Variants in PDZRN4 observed in about 807,000 individuals in gnomAD.
PDZRN4 encodes the protein PDZ domain-containing RING finger protein 4.
PDZRN4 carries 70 observed loss-of-function variants against 99.0 expected under a neutral mutation model. The observed-to-expected ratio is 0.71, with a 90% CI of 0.58 to 0.86. The LOEUF (loss-of-function observed/expected upper bound fraction) is 0.86. PDZRN4 is among the 40% of genes least tolerant of loss of function. PDZRN4 has a pLI of 0.00. For synonymous variants in PDZRN4, 551 were observed against 501.6 expected, an observed-to-expected ratio of 1.10 and a Z score of -1.32; for missense variants, 1,474 against 1,331.2, an observed-to-expected ratio of 1.11 and a Z score of -1.67.
chr12:41,544,337 C>T (rs1303367653), intron 5 of PDZRN4, among the ~76,000 whole-genome samples: 2 of 152,184 alleles, frequency 1.3e-5, no homozygotes, highest in African/African-American at 2.4e-5. Flanking sequence ...GCTTTCAGAA[C>T]GTATTCTACT....
chr12:41,491,058 A>G (rs914865712), intron 3 of PDZRN4, among the ~76,000 whole-genome samples: 29 of 152,280 alleles, frequency 1.9e-4, no homozygotes, highest in African/African-American at 6.5e-4. Flanking sequence ...GTAGTAGCAC[A>G]TCTGCCACAT....
rs2120632723 is a variant in PDZRN4, at chr12:41,191,497, G to T, written c.688G>T (p.Glu230Ter). 1 of 1,579,770 alleles carries T rather than the reference G, an allele frequency of 6.3e-7. No individual in the cohort carries two copies. The highest frequency in any genetic ancestry group is 2.2e-5 in the East Asian group (1 of 44,586). Residue 230 changes from glutamate (E) to a stop codon, truncating the protein, a stop_gained, in exon 2 of 10, where the codon GAA becomes TAA. Transcript: ENST00000402685. LOFTEE classifies it high-confidence loss of function. ...HKPFTIVLER[E>*]NDTLGFNIIG... ...GCCATTCACTATTGTGTTAGAAAGA[G>T]AAAATGACACTTTGGGATTCAATAT...
At chr12:41,307,518 G>C (rs1318923474) in intron 3 of PDZRN4, among the ~76,000 whole-genome samples, 1 of 152,052 alleles carries the variant, frequency 6.6e-6, no homozygotes, top group Non-Finnish European at 1.5e-5. Context: ...TCACACTGGA[G>C]ATTAGGGCTT....
At chr12:41,519,901 A>T (rs773870046) in intron 5 of PDZRN4, among the ~76,000 whole-genome samples, 20 of 152,156 alleles carry the variant, frequency 1.3e-4, no homozygotes, top group Non-Finnish European at 1.9e-4. Context: ...ATGAAATGTA[A>T]ACTCCATAGC....
chr12:41,481,919 T>G (rs925282216), intron 3 of PDZRN4, among the ~76,000 whole-genome samples: 1 of 152,178 alleles, frequency 6.6e-6, no homozygotes, highest in Non-Finnish European at 1.5e-5. Context: ...TTTACCCGAT[T>G]AAGAAGAATA....
chr12:41,471,607 AATG>A (rs1431638763), intron 3 of PDZRN4, among the ~76,000 whole-genome samples: 2 of 150,576 alleles, frequency 1.3e-5, no homozygotes, highest in Admixed American at 6.6e-5. Flanking sequence ...TGATGATGTT[AATG>A]ATGATGATTG....
chr12:41,193,512 A>C (rs1200990035), intron 2 of PDZRN4, among the ~76,000 whole-genome samples: 1 of 152,176 alleles, frequency 6.6e-6, no homozygotes, highest in South Asian at 2.1e-4. Flanking sequence ...ATGAGTTTGC[A>C]TGGGTTCCCT....
intron 3 of PDZRN4, among the ~76,000 whole-genome samples, chr12:41,314,481 C>T (rs775118194): frequency 1.3e-5 from 2 of 152,168 alleles, no homozygotes; most frequent in African/African-American, 2.4e-5. Context: ...GTAGAATATG[C>T]TGTGGTAGCA....
At chr12:41,242,706 G>A (rs117925093) in intron 3 of PDZRN4, among the ~76,000 whole-genome samples, 1,784 of 152,136 alleles carry the variant, frequency 0.012, 59 homozygotes, top group East Asian at 0.11. Flanking sequence ...GGCTGGCTTC[G>A]ATTTTTTTCT....
chr12:41,552,205 T>C (rs1939069208), intron 5 of PDZRN4, among the ~76,000 whole-genome samples: 1 of 152,176 alleles, frequency 6.6e-6, no homozygotes, highest in Non-Finnish European at 1.5e-5. Context: ...AACAGCTTGG[T>C]ATAGTCTTTT....
intron 3 of PDZRN4, among the ~76,000 whole-genome samples, chr12:41,255,839 G>A (rs1160077388): frequency 6.6e-6 from 1 of 152,178 alleles, no homozygotes; most frequent in African/African-American, 2.4e-5. Flanking sequence ...GCAAGGGGCA[G>A]AGCCAAGCTC....
chr12:41,278,461 T>C (rs1027819214), intron 3 of PDZRN4, among the ~76,000 whole-genome samples: 1 of 152,194 alleles, frequency 6.6e-6, no homozygotes, highest in Admixed American at 6.5e-5. Flanking sequence ...AAAGATTACT[T>C]TGTGTAACGA....
intron 5 of PDZRN4, among the ~76,000 whole-genome samples, chr12:41,528,422 G>A (rs1322101380): frequency 6.6e-6 from 1 of 152,126 alleles, no homozygotes; most frequent in Non-Finnish European, 1.5e-5. Context: ...TGAGATTGTG[G>A]TTATTTATGT....
rs558433454 is a variant in PDZRN4 at position 41,542,091 on chromosome 12, G to T, written c.1204-10565G>T. 4.9e-3 allele frequency among the ~76,000 whole-genome samples: 742 copies of T among 152,202 alleles called. 6 individuals carry two copies. Among genetic ancestry groups the T allele is most frequent in the Non-Finnish European group, 6.1e-3 (418 of 68,004 alleles). ...AATCAGAGACAACCACAGCACAAAGGGTCACCCCGTCCTTATGGATTGCTT... is the reference window on the plus strand; with the variant it reads ...AATCAGAGACAACCACAGCACAAAGTGTCACCCCGTCCTTATGGATTGCTT... On this transcript the variant is annotated intron_variant, in intron 5 of 9. Coordinates refer to ENST00000402685, the MANE Select transcript of PDZRN4 (RefSeq NM_001164595.2).
intron 3 of PDZRN4, among the ~76,000 whole-genome samples, chr12:41,426,622 T>A (rs1241842614): frequency 6.6e-6 from 1 of 152,242 alleles, no homozygotes; most frequent in Non-Finnish European, 1.5e-5. Context: ...AGTTTTTAAA[T>A]GTGAAAATGC....
At chr12:41,481,795 G>T (rs952752491) in intron 3 of PDZRN4, among the ~76,000 whole-genome samples, 2 of 151,684 alleles carry the variant, frequency 1.3e-5, no homozygotes, top group Non-Finnish European at 2.9e-5. Context: ...CAACTAAATC[G>T]AGAGCCTCTC....
At chr12:41,361,368 C>G (rs1016202362) in intron 3 of PDZRN4, among the ~76,000 whole-genome samples, 1 of 152,016 alleles carries the variant, frequency 6.6e-6, no homozygotes, top group African/African-American at 2.4e-5. Flanking sequence ...CCTGCCTAAA[C>G]TCCACTTTTA....
intron 3 of PDZRN4, among the ~76,000 whole-genome samples, chr12:41,338,037 G>A (rs1016817953): frequency 1.3e-5 from 2 of 152,064 alleles, no homozygotes; most frequent in Non-Finnish European, 2.9e-5. Context: ...GGGACTACAT[G>A]TGCATGCCAC....
chr12:41,351,864 A>C (rs980842000), intron 3 of PDZRN4, among the ~76,000 whole-genome samples: 4 of 151,628 alleles, frequency 2.6e-5, no homozygotes, highest in Non-Finnish European at 4.4e-5. Flanking sequence ...AGGAGAATAA[A>C]CTGGGCATGG....
Sources: gnomAD v4.1 joint callset for allele counts (sites outside exome capture counted in the v4.1 genomes callset) on GRCh38, gnomAD v4.1.1 for gene constraint, MANE v1.5 for transcripts, NCBI Gene and HGNC (gene_info 2026-07-23, HGNC 2026-07-21) for gene names.